The following SGIP1 variants were observed in gnomAD, a reference collection of about 807,000 sequenced individuals.
SGIP1 encodes the protein SH3-containing GRB2-like protein 3-interacting protein 1.
In SGIP1, 38 loss-of-function variants were observed where a neutral mutation model predicts 107.5. That is an observed-to-expected ratio of 0.35 (90% CI 0.27 to 0.46). SGIP1 has a LOEUF of 0.46. Among genes scored for constraint, SGIP1 ranks in the 20% least tolerant of loss-of-function variants. The pLI, the probability that SGIP1 is intolerant of heterozygous loss-of-function variation, is 1.00. For missense variants in SGIP1, 929 were observed against 1,019.5 expected (o/e 0.91, Z 1.21); for synonymous variants, 365 against 366.1 (o/e 1.00, Z 0.03).
intron 1 of SGIP1, among the ~76,000 whole-genome samples, chr1:66,571,126 C>A (rs1214490612): frequency 6.6e-6 from 1 of 151,816 alleles, no homozygotes; most frequent in Non-Finnish European, 1.5e-5. Context: ...TTGGATTAGG[C>A]CTTTTAGAGT....
chr1:66,673,905 C>T (rs961336996), intron 12 of SGIP1, among the ~76,000 whole-genome samples: 5 of 152,154 alleles, frequency 3.3e-5, no homozygotes, highest in Admixed American at 1.3e-4. Flanking sequence ...TGGTGGTTCA[C>T]TCCCTCAATC....
intron 15 of SGIP1, among the ~76,000 whole-genome samples, chr1:66,683,786 C>A (rs1479995491): frequency 7.2e-6 from 1 of 139,736 alleles, no homozygotes; most frequent in Non-Finnish European, 1.5e-5. Flanking sequence ...CTCACTGTAA[C>A]CTCCGCCTCC....
intron 1 of SGIP1, among the ~76,000 whole-genome samples, chr1:66,599,749 A>G (rs1025233318): frequency 6.6e-6 from 1 of 152,198 alleles, no homozygotes; most frequent in African/African-American, 2.4e-5. Context: ...AACAATATTA[A>G]AACAACTTTA....
Position 66,682,282 on chromosome 1 carries a change from A to G in SGIP1, c.1228A>G (p.Thr410Ala), listed in dbSNP as rs765809036. The change falls in exon 15 of 25, where the codon ACT (threonine) becomes GCT (alanine). Residue 410 changes from threonine (T) to alanine (A), a missense_variant. Thr to Ala is a moderately conservative substitution (Grantham distance 58, BLOSUM62 0). Transcript: ENST00000371037. ...PKDFGLGQRA[T>A]PPPPPPPTYR... Reference sequence around the variant, plus strand: ...AGATTTTGGGTTGGGACAAAGAGCAACTCCACCTCCCCCACCACCACCCAC... The same window carrying G: ...AGATTTTGGGTTGGGACAAAGAGCAGCTCCACCTCCCCCACCACCACCCAC... The G allele has an allele frequency of 4.3e-6, 7 of 1,613,224 alleles. No individual in the cohort carries two copies. In the South Asian group the frequency reaches 4.4e-5, roughly 10 times the overall value.
chr1:66,681,946 G>T lies in SGIP1; in HGVS notation c.892G>T (p.Val298Leu). ...TGACTTGGACAGCATTTTTGGGCCA[G>T]TATTGTCCCCCAAGTCTGTTGCTGT... ...INDLDSIFGP[V>L]LSPKSVAVNA... The change falls in exon 15 of 25, where the codon GTA (valine) becomes TTA (leucine). Residue 298 changes from valine to leucine, a missense_variant. By Grantham distance (32) the Val-to-Leu change is conservative (BLOSUM62 1). This residue lies in a region of SGIP1 where 588 missense variants were observed against 588.6 expected (regional missense o/e 1.00). Coordinates refer to ENST00000371037, the MANE Select transcript of SGIP1 (RefSeq NM_032291.4). 1 of 1,614,220 alleles carries T rather than the reference G, an allele frequency of 6.2e-7. No homozygotes were observed. Among genetic ancestry groups the T allele is most frequent in the Non-Finnish European group, 8.5e-7 (1 of 1,180,038 alleles).
At chr1:66,737,064 C>T (rs1409319812) in intron 21 of SGIP1, among the ~76,000 whole-genome samples, 1 of 152,020 alleles carries the variant, frequency 6.6e-6, no homozygotes, top group Non-Finnish European at 1.5e-5. Flanking sequence ...AATATTTAAA[C>T]ATGCTTAGTG....
At chr1:66,705,876 G>A (rs1375409276) in intron 18 of SGIP1, among the ~76,000 whole-genome samples, 3 of 152,066 alleles carry the variant, frequency 2.0e-5, no homozygotes, top group Admixed American at 1.3e-4. Context: ...GTCGGGAGTT[G>A]GGAGGCAAGG....
intron 2 of SGIP1, among the ~76,000 whole-genome samples, chr1:66,630,865 A>AAGAG (rs2074247026): frequency 2.3e-5 from 1 of 44,132 alleles, no homozygotes; most frequent in Non-Finnish European, 4.0e-5. Flanking sequence ...GAAAGAAAGA[A>AAGAG]AGAAAGAAAG....
intron 5 of SGIP1, 66 bp from the exon 6 acceptor site, chr1:66,642,744 G>GAA: frequency 7.2e-7 from 1 of 1,391,632 alleles, no homozygotes; most frequent in Non-Finnish European, 9.8e-7. Flanking sequence ...GAAGACTCTA[G>GAA]AAAAAAAATA....
rs1242166370 is a variant in SGIP1, at chr1:66,628,999, CT to C, written c.74+3090del. On this transcript the variant is annotated intron_variant, in intron 2 of 24. Coordinates refer to ENST00000371037, the MANE Select transcript of SGIP1 (RefSeq NM_032291.4). The stretch of plus-strand genomic sequence containing the variant: ...GAACTCCCTAATGCTTTCGTGAACT[CT>C]GTAATTGGATCATATATCATTCTCA... Among the ~76,000 whole-genome samples, 3 of 152,286 alleles carry C rather than the reference CT, an allele frequency of 2.0e-5. No homozygotes were observed. In the East Asian group the frequency reaches 5.8e-4, roughly 29 times the overall value.
chr1:66,572,964 T>C (rs888637894), intron 1 of SGIP1, among the ~76,000 whole-genome samples: 12 of 152,210 alleles, frequency 7.9e-5, no homozygotes, highest in Admixed American at 7.2e-4. Flanking sequence ...TCAGAAAAGA[T>C]ATATTGCATT....
chr1:66,742,689 T>C (rs2094495560), intron 24 of SGIP1, among the ~76,000 whole-genome samples: 1 of 151,016 alleles, frequency 6.6e-6, no homozygotes. Flanking sequence ...CAGGATGGTC[T>C]CGATCTCCTG....
chr1:66,691,661 C>T (rs947248153), intron 17 of SGIP1, among the ~76,000 whole-genome samples: 5 of 152,058 alleles, frequency 3.3e-5, no homozygotes, highest in Admixed American at 3.3e-4. Context: ...CTCCTTAATA[C>T]TCCTTGATTG....
intron 1 of SGIP1, among the ~76,000 whole-genome samples, chr1:66,575,826 A>C (rs1311430551): frequency 6.6e-6 from 1 of 152,216 alleles, no homozygotes; most frequent in Non-Finnish European, 1.5e-5. Flanking sequence ...AAGCTTAAAT[A>C]GAAACCACCT....
chr1:66,632,646 C>T (rs2149394433), intron 2 of SGIP1, among the ~76,000 whole-genome samples: 1 of 152,260 alleles, frequency 6.6e-6, no homozygotes, highest in South Asian at 2.1e-4. Context: ...TAACCAGACC[C>T]CATCTCTCAA....
intron 14 of SGIP1, among the ~76,000 whole-genome samples, chr1:66,681,293 T>C (rs1365477467): frequency 2.0e-5 from 3 of 152,150 alleles, no homozygotes; most frequent in African/African-American, 7.2e-5. Flanking sequence ...TTTTTTAAGG[T>C]TGAGGATATA....
intron 1 of SGIP1, among the ~76,000 whole-genome samples, chr1:66,580,277 T>G (rs1481902839): frequency 6.6e-6 from 1 of 152,172 alleles, no homozygotes; most frequent in Non-Finnish European, 1.5e-5. Flanking sequence ...CCACTTCTGC[T>G]TCTCTCCAAC....
At chr1:66,727,173 A>T (rs1295240111) in intron 19 of SGIP1, among the ~76,000 whole-genome samples, 1 of 152,210 alleles carries the variant, frequency 6.6e-6, no homozygotes, top group Non-Finnish European at 1.5e-5. Flanking sequence ...CAAATTATAT[A>T]TCTGATAAAT....
At chr1:66,724,415 C>A (rs1295388004) in intron 19 of SGIP1, among the ~76,000 whole-genome samples, 4 of 152,030 alleles carry the variant, frequency 2.6e-5, no homozygotes, top group Non-Finnish European at 4.4e-5. Context: ...AAAAAAAATT[C>A]TTTGGTGAGT....
Sources: allele counts gnomAD v4.1 joint callset (sites outside exome capture counted in the v4.1 genomes callset), GRCh38; gene constraint gnomAD v4.1.1; regional missense constraint gnomAD v4.1.1; transcripts MANE v1.5; gene names NCBI Gene and HGNC (gene_info 2026-07-23, HGNC 2026-07-21).